Variants in PTPRN2 observed in about 807,000 individuals in gnomAD.
PTPRN2 encodes the protein protein tyrosine phosphatase receptor type N2.
A neutral mutation model predicts 118.8 loss-of-function variants in PTPRN2; 74 were observed. That is an observed-to-expected ratio of 0.62 (90% CI 0.52 to 0.76). The LOEUF (loss-of-function observed/expected upper bound fraction) is 0.76. PTPRN2 is among the 30% of genes least tolerant of loss of function. PTPRN2 has a pLI of 0.00. For missense variants in PTPRN2, 1,481 were observed against 1,394.4 expected, an observed-to-expected ratio of 1.06 and a Z score of -0.99; for synonymous variants, 641 against 608.0, an observed-to-expected ratio of 1.05 and a Z score of -0.80.
rs148267825 is a variant in PTPRN2 at position 158,270,346 on chromosome 7, T to G, written c.277+46473A>C. ...CAGAGCGGGAGCCAGGCGGGGGCAC[T>G]GGGAGCACAGGCATGGTTCTCGGGG... On this transcript the variant is annotated intron_variant, in intron 3 of 22. Coordinates refer to ENST00000389418, the MANE Select transcript of PTPRN2 (RefSeq NM_002847.5). 6.5e-4 allele frequency among the ~76,000 whole-genome samples: 98 copies of G among 151,806 alleles called. No homozygotes were observed. In the Middle Eastern group the frequency reaches 0.014, roughly 21 times the overall value.
chr7:158,127,273 C>T (rs948246337), intron 9 of PTPRN2, among the ~76,000 whole-genome samples: 5 of 152,024 alleles, frequency 3.3e-5, no homozygotes, highest in Non-Finnish European at 5.9e-5. Context: ...GCTGCTCATC[C>T]GTGCACCTGT....
At position 157,874,170 on chromosome 7, in the gene PTPRN2, G is replaced by A. The variant is rs527446911; in HGVS notation, c.1788+24503C>T. Among the ~76,000 whole-genome samples, 1 of 152,282 alleles carries A rather than the reference G, an allele frequency of 6.6e-6. No homozygotes were observed. The highest frequency in any genetic ancestry group is 6.5e-5 in the Admixed American group (1 of 15,286). The stretch of plus-strand genomic sequence containing the variant: ...CCAGCCTTGTCCTGCGGAAGGTGCT[G>A]AAGCGGCCCTCAGTCTGCCTCTGGC... On this transcript the variant is annotated intron_variant, in intron 12 of 22. Transcript: ENST00000389418. This position sits in a 1 kb window ranked among gnomAD's most constrained non-coding sequence, Gnocchi z 5.8.
intron 12 of PTPRN2, among the ~76,000 whole-genome samples, chr7:157,846,205 G>C (rs1412281973): frequency 6.6e-6 from 1 of 152,144 alleles, no homozygotes; most frequent in Admixed American, 6.5e-5. Flanking sequence ...AAAAGCGGGG[G>C]TGGGAGTCAC....
At chr7:158,018,113 C>T (rs528147555) in intron 11 of PTPRN2, among the ~76,000 whole-genome samples, 50 of 152,270 alleles carry the variant, frequency 3.3e-4, no homozygotes, top group Non-Finnish European at 5.3e-4. Context: ...GTATGTGTTG[C>T]GGACTTCTAA....
chr7:158,025,247 A>G (rs1419713445), intron 11 of PTPRN2, among the ~76,000 whole-genome samples: 1 of 152,200 alleles, frequency 6.6e-6, no homozygotes, highest in Non-Finnish European at 1.5e-5. Context: ...ATTGGCAGGT[A>G]AAGCCACAAT....
At chr7:158,054,361 C>G (rs147599935) in intron 11 of PTPRN2, among the ~76,000 whole-genome samples, 36 of 152,274 alleles carry the variant, frequency 2.4e-4, no homozygotes, top group Non-Finnish European at 3.4e-4. Context: ...GGACACTCCT[C>G]AGGAAAGAAA....
intron 13 of PTPRN2, among the ~76,000 whole-genome samples, chr7:157,660,036 C>T (rs1046216390): frequency 1.3e-5 from 2 of 152,190 alleles, no homozygotes; most frequent in Non-Finnish European, 2.9e-5. Flanking sequence ...AGTAACCAAC[C>T]TGAGTATACA....
chr7:157,574,562 G>T lies in PTPRN2; in HGVS notation c.2783+2051C>A, dbSNP rs1168368996. On this transcript the variant is annotated intron_variant, in intron 19 of 22. Coordinates refer to ENST00000389418, the MANE Select transcript of PTPRN2 (RefSeq NM_002847.5). The stretch of plus-strand genomic sequence containing the variant: ...TTTTTAAAGCAAAGCCCTCACATGT[G>T]ATGCTAATTATCTCTTAGCAGTTTC... The T allele has an allele frequency of 2.1e-5, 6 of 281,852 alleles. No homozygotes were observed. In the East Asian group the frequency reaches 4.7e-4, roughly 22 times the overall value. 17.5% of individuals were successfully genotyped at this position (281,852 alleles called of 1,614,324 possible).
At chr7:158,168,077 C>T (rs746341630) in intron 5 of PTPRN2, among the ~76,000 whole-genome samples, 8 of 152,198 alleles carry the variant, frequency 5.3e-5, no homozygotes, top group Non-Finnish European at 8.8e-5. Context: ...AGCTGTTTTC[C>T]AGCACAGCAG....
chr7:157,692,179 C>A (rs1048941562), intron 12 of PTPRN2, among the ~76,000 whole-genome samples: 6 of 152,228 alleles, frequency 3.9e-5, no homozygotes, highest in African/African-American at 1.4e-4. Flanking sequence ...TTGTTCCCTG[C>A]GCCCGGGACA....
rs963468951 is a variant in PTPRN2, at chr7:157,583,419, A to C, written c.2497-5279T>G. Reference sequence around the variant, plus strand: ...TTCAGCATGGTGACTGTAGTTAATAAGAGTGTTGGGCACAGAGATTTGCCA... The same window carrying C: ...TTCAGCATGGTGACTGTAGTTAATACGAGTGTTGGGCACAGAGATTTGCCA... On this transcript the variant is annotated intron_variant, in intron 17 of 22. Transcript: ENST00000389418. The surrounding 1 kb of genome is among the most constrained non-coding windows in gnomAD (Gnocchi z 5.5). 4.6e-5 allele frequency among the ~76,000 whole-genome samples: 7 copies of C among 152,132 alleles called. No individual in the cohort carries two copies. The highest frequency in any genetic ancestry group is 1.7e-4 in the African/African-American group (7 of 41,430).
At chr7:158,251,226 G>C (rs142547838) in intron 3 of PTPRN2, among the ~76,000 whole-genome samples, 1 of 152,178 alleles carries the variant, frequency 6.6e-6, no homozygotes, top group Non-Finnish European at 1.5e-5. Flanking sequence ...CTGGGCTCCC[G>C]TCCTGCCTGC....
At chr7:158,190,105 C>T (rs1204994953) in intron 5 of PTPRN2, among the ~76,000 whole-genome samples, 3 of 152,180 alleles carry the variant, frequency 2.0e-5, no homozygotes, top group African/African-American at 2.4e-5. Flanking sequence ...ATTTTATCAA[C>T]GATAGTTACG....
chr7:157,699,423 GCTTTT>G (rs1227858775), intron 12 of PTPRN2, among the ~76,000 whole-genome samples: 1 of 152,108 alleles, frequency 6.6e-6, no homozygotes, highest in Non-Finnish European at 1.5e-5. Flanking sequence ...GCAGCCAGTT[GCTTTT>G]CTTTTCTTTT....
intron 11 of PTPRN2, among the ~76,000 whole-genome samples, chr7:158,004,622 T>A (rs1397220757): frequency 6.6e-6 from 1 of 152,244 alleles, no homozygotes; most frequent in Non-Finnish European, 1.5e-5. Flanking sequence ...CTGATAATGC[T>A]ATGTGTGCTT....
intron 4 of PTPRN2, among the ~76,000 whole-genome samples, chr7:158,197,148 C>A (rs904555316): frequency 3.3e-5 from 5 of 152,208 alleles, no homozygotes; most frequent in Non-Finnish European, 7.3e-5. Context: ...TGTGGCATCA[C>A]CCAACAGCCT....
intron 17 of PTPRN2, among the ~76,000 whole-genome samples, chr7:157,578,910 G>T (rs902566816): frequency 3.3e-5 from 5 of 152,224 alleles, no homozygotes; most frequent in African/African-American, 9.7e-5. Flanking sequence ...ATTAGCATAT[G>T]AAATTATAGA....
At position 157,638,938 on chromosome 7, in the gene PTPRN2, C is replaced by T. The variant is rs1022090904; in HGVS notation, c.2196+17419G>A. On this transcript the variant is annotated intron_variant, in intron 14 of 22. Coordinates refer to ENST00000389418, the MANE Select transcript of PTPRN2 (RefSeq NM_002847.5). ...CTGGACACAGCGATCCCTTTGACTG[C>T]TTACAGAAAGGTGAGTGTGGAAACC... Among the ~76,000 whole-genome samples, 10 of 152,208 alleles carry T rather than the reference C, an allele frequency of 6.6e-5. 1 individual carries two copies. Among genetic ancestry groups the T allele is most frequent in the Admixed American group, 6.5e-4 (10 of 15,286 alleles).
At chr7:157,661,302 G>A (rs1795873634) in intron 13 of PTPRN2, among the ~76,000 whole-genome samples, 1 of 152,276 alleles carries the variant, frequency 6.6e-6, no homozygotes, top group African/African-American at 2.4e-5. Context: ...CAGAGAGGAA[G>A]CCCCCGAAAG....
Sources: gnomAD v4.1 joint callset for allele counts (sites outside exome capture counted in the v4.1 genomes callset) on GRCh38, gnomAD v4.1.1 for gene constraint, Gnocchi (gnomAD v3.1) non-coding constraint, MANE v1.5 for transcripts, NCBI Gene and HGNC (gene_info 2026-07-23, HGNC 2026-07-21) for gene names.